Variants in ANXA6 observed in about 807,000 individuals in gnomAD.
The protein encoded by ANXA6 is 67 kDa calelectrin.
In ANXA6, 71 loss-of-function variants were observed where a neutral mutation model predicts 95.4. That is an observed-to-expected ratio of 0.74 (90% confidence interval 0.61 to 0.91). The LOEUF (loss-of-function observed/expected upper bound fraction) is 0.91, where lower values mean the gene tolerates loss of function less well. ANXA6 is among the 40% of genes least tolerant of loss of function. ANXA6 has a pLI of 0.00. For synonymous variants in ANXA6, 289 were observed against 315.9 expected (o/e 0.91, Z 0.90); for missense variants, 830 against 876.4 (o/e 0.95, Z 0.67).
In ANXA6 at chr5:151,101,208, G is replaced by A. The variant is rs532408563; in HGVS notation, c.*240C>T. 9.7e-5 allele frequency: 59 copies of A among 606,308 alleles called. No individual in the cohort carries two copies. The African/African-American group carries it at 1.0e-3, about 11-fold the overall frequency. 37.6% of individuals were successfully genotyped at this position (606,308 alleles called of 1,614,324 possible). A position where few individuals can be genotyped will look rare whatever the true frequency, so the allele number is the denominator to read the frequency against. On this transcript the variant is annotated 3_prime_UTR_variant, in exon 26 of 26. Coordinates refer to ENST00000354546, the MANE Select transcript of ANXA6 (RefSeq NM_001155.5). Reference sequence around the variant, plus strand: ...GCTGGGAAAGCCTGAGGGTCAGAGGGGAGTGGAGGTGGACAGGATCTATGG... The same window carrying A: ...GCTGGGAAAGCCTGAGGGTCAGAGGAGAGTGGAGGTGGACAGGATCTATGG...
rs879527261 is a variant in ANXA6, at chr5:151,110,548, G to A, written c.1590+79C>T. On this transcript the variant is annotated intron_variant, in intron 21 of 25. Transcript: ENST00000354546. The stretch of plus-strand genomic sequence containing the variant: ...ACAGCAAGCTCCCAAATCACTGCTC[G>A]ATACTGCCCCGCTCGGCCCAGTAAA... 4 of 1,500,130 alleles carry A rather than the reference G, an allele frequency of 2.7e-6. No individual in the cohort carries two copies. In the African/African-American group the frequency reaches 5.5e-5, roughly 21 times the overall value. 92.9% of individuals were successfully genotyped at this position (1,500,130 alleles called of 1,614,324 possible). A position where few individuals can be genotyped will look rare whatever the true frequency, so the allele number is the denominator to read the frequency against.
At chr5:151,144,576 C>G (rs1264840967) in intron 2 of ANXA6, among the ~76,000 whole-genome samples, 1 of 152,086 alleles carries the variant, frequency 6.6e-6, no homozygotes, top group Non-Finnish European at 1.5e-5. Context: ...GATGAGGCAG[C>G]ACGCAGACCC....
At chr5:151,102,080 C>T (rs1259696671) in intron 25 of ANXA6, among the ~76,000 whole-genome samples, 1 of 152,194 alleles carries the variant, frequency 6.6e-6, no homozygotes, top group Non-Finnish European at 1.5e-5. Flanking sequence ...ATCACGCTCA[C>T]CACACATCAC....
chr5:151,139,229 G>A, intron 4 of ANXA6, 124 bp downstream of exon 4: 2 of 673,666 alleles, frequency 3.0e-6, no homozygotes, highest in Non-Finnish European at 5.1e-6. Flanking sequence ...AAAGAGCAGG[G>A]TAAGGTGTCA....
Position 151,128,203 on chromosome 5 carries a change from TC to T in ANXA6, c.954del (p.Lys319SerfsTer33). 1.2e-6 allele frequency: 2 copies of T among 1,612,540 alleles called. No individual in the cohort carries two copies. The highest frequency in any genetic ancestry group is 2.7e-5 in the African/African-American group (2 of 74,964). ...DTSGEYKKTL[L>X]KLSGGDDDAA... ...TACTCATCATCTCCCCCAGACAGCTTCAGCAGAGTCTTCTTGTACTCGCCAG... is the reference window on the plus strand; with the variant it reads ...TACTCATCATCTCCCCCAGACAGCTTAGCAGAGTCTTCTTGTACTCGCCAG... On this transcript the variant is annotated frameshift_variant, in exon 13 of 26. Coordinates refer to ENST00000354546, the MANE Select transcript of ANXA6 (RefSeq NM_001155.5). LOFTEE classifies it high-confidence loss of function.
chr5:151,120,714 G>A (rs981738737), intron 17 of ANXA6, among the ~76,000 whole-genome samples: 25 of 151,782 alleles, frequency 1.6e-4, no homozygotes, highest in South Asian at 1.2e-3. Flanking sequence ...GCGAGACTCC[G>A]TCTCAAAAAA....
chr5:151,120,931 ACT>A (rs891656315), intron 17 of ANXA6, among the ~76,000 whole-genome samples: 1 of 151,814 alleles, frequency 6.6e-6, no homozygotes, highest in African/African-American at 2.4e-5. Context: ...TAACTCACTG[ACT>A]CTCTGAGCCT....
intron 1 of ANXA6, among the ~76,000 whole-genome samples, chr5:151,150,633 G>T (rs1053355103): frequency 6.6e-6 from 1 of 152,226 alleles, no homozygotes; most frequent in East Asian, 1.9e-4. Flanking sequence ...TCAGCTTCAG[G>T]AAACCTTGCT....
rs111795509 is a variant in ANXA6, at chr5:151,111,404, T to G, written c.1573-760A>C. Among the ~76,000 whole-genome samples the G allele has an allele frequency of 2.4e-3, 363 of 152,322 alleles. 3 individuals carry two copies. Among genetic ancestry groups the G allele is most frequent in the African/African-American group, 8.3e-3 (343 of 41,566 alleles). ...TATTCTATTGGATAGACTGAACTCT[T>G]TATAAACTTCACAATAGCCTATACT... On this transcript the variant is annotated intron_variant, in intron 20 of 25. Coordinates refer to ENST00000354546, the MANE Select transcript of ANXA6 (RefSeq NM_001155.5).
In ANXA6 at chr5:151,139,337, C is replaced by T. The variant is rs181564475; in HGVS notation, c.204+16G>A. The T allele has an allele frequency of 0.013, 19,958 of 1,587,062 alleles. 175 individuals are homozygous for T. Among genetic ancestry groups the T allele is most frequent in the Non-Finnish European group, 0.015 (17,550 of 1,160,770 alleles). ...TTCCACCCGCACCCCATGGGCCCTC[C>T]GGTTGCTGTGGTTACCTTGCCGTAG... On this transcript the variant is annotated intron_variant, in intron 4 of 25. Transcript: ENST00000354546.
At chr5:151,128,057 C>T (rs949755931) in intron 13 of ANXA6, 124 bp downstream of exon 13, 17 of 829,564 alleles carry the variant, frequency 2.0e-5, no homozygotes, top group African/African-American at 5.1e-5. Flanking sequence ...TTCACTTGTG[C>T]GACGCTCCTG....
chr5:151,154,366 T>C (rs1043965133), intron 1 of ANXA6, among the ~76,000 whole-genome samples: 2 of 148,434 alleles, frequency 1.3e-5, no homozygotes, highest in Non-Finnish European at 3.0e-5. Flanking sequence ...CAAAGAAAAA[T>C]TGAGTATTTA....
chr5:151,132,282 G>C (rs1277521610), intron 10 of ANXA6, among the ~76,000 whole-genome samples, 194 bp downstream of exon 10: 1 of 152,202 alleles, frequency 6.6e-6, no homozygotes. Context: ...GTCAGTACCT[G>C]AGGCTCAAAC....
rs753958642 is a variant in ANXA6, at chr5:151,137,282, C to T, written c.358G>A (p.Ala120Thr). ...TGCATCTGCTCATTGGTCCGGGAAG[C>T]CAAGATCTCAATGAGGCACTTCTCA... is the stretch of plus-strand genomic sequence containing the variant. ...TDEKCLIEIL[A>T]SRTNEQMHQL... The change falls in exon 6 of 26, where the codon GCT (alanine) becomes ACT (threonine). Residue 120 changes from alanine (A) to threonine (T), a missense_variant. Physicochemically the swap from Ala to Thr is moderately conservative, Grantham distance 58. Coordinates refer to ENST00000354546, the MANE Select transcript of ANXA6 (RefSeq NM_001155.5). 1 of 1,613,542 alleles carries T rather than the reference C, an allele frequency of 6.2e-7. No homozygotes were observed. The highest frequency in any genetic ancestry group is 8.5e-7 in the Non-Finnish European group (1 of 1,179,806).
chr5:151,141,770 C>A (rs1405396754), intron 2 of ANXA6: 3 of 941,108 alleles, frequency 3.2e-6, no homozygotes, highest in African/African-American at 1.8e-5. Context: ...TCCCCTGCAA[C>A]CTGATCACGC....
In ANXA6 at chr5:151,134,499, A is replaced by G; in HGVS notation, c.490-16T>C. The G allele has an allele frequency of 6.2e-7, 1 of 1,613,882 alleles. No individual in the cohort carries two copies. The highest frequency in any genetic ancestry group is 8.5e-7 in the Non-Finnish European group (1 of 1,179,754). On this transcript the variant is annotated splice_polypyrimidine_tract_variant and intron_variant, in intron 7 of 25. Coordinates refer to ENST00000354546, the MANE Select transcript of ANXA6 (RefSeq NM_001155.5). ...CCCTGGTTCCCTGGGCAGAAAGACA[A>G]AGAACATGTGTTTCAAACACTGCAA...
chr5:151,143,128 C>T (rs571783906), intron 2 of ANXA6, among the ~76,000 whole-genome samples: 10 of 152,182 alleles, frequency 6.6e-5, no homozygotes, highest in Non-Finnish European at 1.5e-4. Flanking sequence ...AGACCCAGAA[C>T]AGAGAGGGCA....
At position 151,126,383 on chromosome 5, in the gene ANXA6, G is replaced by C. The variant is rs1765315824; in HGVS notation, c.1056+19C>G. On this transcript the variant is annotated intron_variant, in intron 14 of 25. Coordinates refer to ENST00000354546, the MANE Select transcript of ANXA6 (RefSeq NM_001155.5). The stretch of plus-strand genomic sequence containing the variant: ...AAGCTGTGGTCAAGAGGTCAAGCAG[G>C]AGGAGGGGAAGGTCTGACCTCTACT... 2 of 1,597,894 alleles carry C rather than the reference G, an allele frequency of 1.3e-6. No homozygotes were observed. Among genetic ancestry groups the C allele is most frequent in the Middle Eastern group, 1.7e-4 (1 of 6,050 alleles).
At chr5:151,134,606 G>T in intron 7 of ANXA6, 123 bp from the exon 8 acceptor site, 1 of 927,406 alleles carries the variant, frequency 1.1e-6, no homozygotes, top group African/African-American at 1.6e-5. Context: ...TCCAGAAGCA[G>T]TGACTGCTAT....
Sources: gnomAD v4.1 joint callset for allele counts (sites outside exome capture counted in the v4.1 genomes callset) on GRCh38, gnomAD v4.1.1 for gene constraint, MANE v1.5 for transcripts, NCBI Gene and HGNC (gene_info 2026-07-23, HGNC 2026-07-21) for gene names.